ELMO1: variants seen among roughly 807,000 people sequenced by gnomAD.
The protein encoded by ELMO1 is engulfment and cell motility 1, also known as engulfment and cell motility protein 1.
Under a neutral mutation model 98.9 loss-of-function variants are expected in ELMO1, and 26 were observed. The observed-to-expected ratio is 0.26, with a 90% CI of 0.19 to 0.36. The LOEUF is 0.36. Among genes scored for constraint, ELMO1 ranks in the 10% least tolerant of loss-of-function variants. ELMO1 has a pLI of 1.00. For synonymous variants in ELMO1, 346 were observed against 346.0 expected, an observed-to-expected ratio of 1.00 and a Z score of 0.00; for missense variants, 627 against 935.2, an observed-to-expected ratio of 0.67 and a Z score of 4.30.
intron 1 of ELMO1, among the ~76,000 whole-genome samples, chr7:37,441,089 GC>G (rs1334354017): frequency 6.6e-6 from 1 of 151,378 alleles, no homozygotes; most frequent in Non-Finnish European, 1.5e-5. Context: ...ATCCAGCTCT[GC>G]CACTGAACCC....
chr7:36,899,682 A>ATTTTTTTTTTTTTTTTT (rs1178774148), intron 16 of ELMO1, among the ~76,000 whole-genome samples: 13 of 5,362 alleles, frequency 2.4e-3, no homozygotes, highest in Admixed American at 6.1e-3. Flanking sequence ...ATCTTTACTC[A>ATTTTTTTTTTTTTTTTT]TCTTTTTTTT....
At chr7:37,262,812 C>T (rs1220384441) in intron 5 of ELMO1, among the ~76,000 whole-genome samples, 3 of 152,218 alleles carry the variant, frequency 2.0e-5, no homozygotes, top group Non-Finnish European at 4.4e-5. Context: ...TTGGCTACCT[C>T]CAGGGCTGCA....
intron 16 of ELMO1, among the ~76,000 whole-genome samples, chr7:36,924,373 G>A (rs528620196): frequency 6.6e-6 from 1 of 152,054 alleles, no homozygotes; most frequent in Non-Finnish European, 1.5e-5. Flanking sequence ...GCTTCCCAGC[G>A]AGGGCCCTCC....
At chr7:37,339,692 T>C (rs867051951) in intron 2 of ELMO1, among the ~76,000 whole-genome samples, 22 of 152,128 alleles carry the variant, frequency 1.4e-4, no homozygotes, top group Admixed American at 6.5e-5. Flanking sequence ...ATAAGTCTCA[T>C]TGTAATTCCA....
At chr7:37,401,019 G>T (rs1206061436) in intron 1 of ELMO1, among the ~76,000 whole-genome samples, 1 of 152,106 alleles carries the variant, frequency 6.6e-6, no homozygotes, top group Non-Finnish European at 1.5e-5. Flanking sequence ...CTGACTGAAT[G>T]CTTTCACCCT....
chr7:37,155,915 T>C (rs574117983), intron 13 of ELMO1, among the ~76,000 whole-genome samples: 1 of 152,260 alleles, frequency 6.6e-6, no homozygotes, highest in Admixed American at 6.5e-5. Context: ...ATTGACCACA[T>C]AATTGGAAGT....
intron 13 of ELMO1, among the ~76,000 whole-genome samples, chr7:37,139,821 A>G (rs544775633): frequency 6.6e-6 from 1 of 152,344 alleles, no homozygotes; most frequent in African/African-American, 2.4e-5. Context: ...CAACTATACT[A>G]TAAGGCGACA....
chr7:37,308,908 G>A (rs1157574774), intron 4 of ELMO1, among the ~76,000 whole-genome samples: 1 of 152,138 alleles, frequency 6.6e-6, no homozygotes, highest in African/African-American at 2.4e-5. Flanking sequence ...GGAAATAATT[G>A]GGTAGCAAGA....
At chr7:37,443,585 A>T (rs1805498169) in intron 1 of ELMO1, among the ~76,000 whole-genome samples, 1 of 152,200 alleles carries the variant, frequency 6.6e-6, no homozygotes, top group Non-Finnish European at 1.5e-5. Context: ...ACCTGCACTT[A>T]TATTGTAACA....
intron 5 of ELMO1, chr7:37,269,888 A>G (rs1469331170): frequency 6.6e-6 from 1 of 152,194 alleles, no homozygotes; most frequent in Non-Finnish European, 1.5e-5. Context: ...GGGATGCTGA[A>G]AAACTTCACT....
intron 1 of ELMO1, among the ~76,000 whole-genome samples, chr7:37,401,375 CT>C (rs1262400445): frequency 6.6e-6 from 1 of 152,192 alleles, no homozygotes; most frequent in Non-Finnish European, 1.5e-5. Context: ...CCCCTCACCC[CT>C]TTTCTCCTAA....
intron 15 of ELMO1, 85 bp from the exon 16 acceptor site, chr7:37,013,520 G>C (rs1350616702): frequency 4.8e-6 from 7 of 1,463,884 alleles, no homozygotes; most frequent in African/African-American, 1.4e-5. Flanking sequence ...GCCCCAAAGG[G>C]AGACAAGCGG....
At chr7:37,090,576 T>C (rs1004379499) in intron 15 of ELMO1, among the ~76,000 whole-genome samples, 1 of 152,196 alleles carries the variant, frequency 6.6e-6, no homozygotes, top group Non-Finnish European at 1.5e-5. Context: ...CCAGGTCTTC[T>C]AGCCTACCAT....
At chr7:37,223,574 C>A (rs1793712833) in intron 9 of ELMO1, among the ~76,000 whole-genome samples, 1 of 152,222 alleles carries the variant, frequency 6.6e-6, no homozygotes, top group South Asian at 2.1e-4. Flanking sequence ...GAATAATAAA[C>A]TCTCCACTTT....
intron 1 of ELMO1, among the ~76,000 whole-genome samples, chr7:37,414,925 T>C (rs1804150300): frequency 1.3e-5 from 2 of 152,208 alleles, no homozygotes; most frequent in African/African-American, 2.4e-5. Context: ...CAGACTGCAA[T>C]GCACGTAGCT....
At chr7:36,872,146 T>G (rs569124313) in intron 19 of ELMO1, among the ~76,000 whole-genome samples, 2 of 152,332 alleles carry the variant, frequency 1.3e-5, no homozygotes, top group East Asian at 1.9e-4. Context: ...AGAAAATGCT[T>G]CTTTTCTAGG....
intron 16 of ELMO1, among the ~76,000 whole-genome samples, chr7:36,949,944 G>A (rs141391534): frequency 6.6e-6 from 1 of 152,310 alleles, no homozygotes; most frequent in African/African-American, 2.4e-5. Context: ...AAGTCCCGTG[G>A]CTAAGCTGGT....
At chr7:37,260,585 T>G (rs947260115) in intron 5 of ELMO1, among the ~76,000 whole-genome samples, 4 of 151,782 alleles carry the variant, frequency 2.6e-5, no homozygotes, top group Non-Finnish European at 1.5e-5. Context: ...CTCCCTCCAC[T>G]GTCACCTGGA....
chr7:37,344,076 G>A (rs2717951), intron 1 of ELMO1, among the ~76,000 whole-genome samples: 24,254 of 138,492 alleles, frequency 0.18, 2,095 homozygotes, highest in Middle Eastern at 0.32. Context: ...CTGTTGCCCA[G>A]GCTGGAGTGC....
Sources: gnomAD v4.1 joint callset for allele counts (sites outside exome capture counted in the v4.1 genomes callset) on GRCh38, gnomAD v4.1.1 for gene constraint, MANE v1.5 for transcripts, NCBI Gene and HGNC (gene_info 2026-07-23, HGNC 2026-07-21) for gene names.